MOXD1: variants seen among roughly 807,000 people sequenced by gnomAD.
The protein encoded by MOXD1 is DBH-like monooxygenase protein 1.
MOXD1 carries 62 observed loss-of-function variants against 66.6 expected under a neutral mutation model. The ratio of observed to expected loss-of-function variants is 0.93; its 90% CI spans 0.76 to 1.15. The LOEUF (loss-of-function observed/expected upper bound fraction) is 1.15. Among genes scored for constraint, MOXD1 ranks in the 50% most tolerant of loss-of-function variants. The probability of loss-of-function intolerance (pLI) is 0.00; values close to 1 mark genes in which losing one functional copy is unlikely to be tolerated. For missense variants in MOXD1, 847 were observed against 754.6 expected (o/e 1.12, Z -1.44); for synonymous variants, 303 against 281.9 (o/e 1.07, Z -0.75).
chr6:132,350,099 CT>C lies in MOXD1; in HGVS notation c.664-21506del, dbSNP rs201985065. Among the ~76,000 whole-genome samples, 472 of 152,270 alleles carry C rather than the reference CT, an allele frequency of 3.1e-3. 26 individuals are homozygous for C. In the East Asian group the frequency reaches 0.082, roughly 26 times the overall value. ...TGTCTGTTTACTCTGCTGACTATTC[CT>C]TTTGAGGTGCAAAAGCTCTTTAGTT... On this transcript the variant is annotated intron_variant, in intron 4 of 11. Coordinates refer to ENST00000367963, the MANE Select transcript of MOXD1 (RefSeq NM_015529.4).
chr6:132,372,745 C>G lies in MOXD1; in HGVS notation c.580-54G>C, dbSNP rs1359470322. On this transcript the variant is annotated intron_variant, in intron 3 of 11. Coordinates refer to ENST00000367963, the MANE Select transcript of MOXD1 (RefSeq NM_015529.4). ...CAAAGTCACCTTCTCTTAACATGCT[C>G]CTGAATACAATAATGTAAGCAAAAA... The G allele has an allele frequency of 9.3e-6, 15 of 1,607,148 alleles. No individual in the cohort carries two copies. The East Asian group carries it at 3.1e-4, about 33-fold the overall frequency.
rs182031043 is a variant in MOXD1 at position 132,346,897 on chromosome 6, C to G, written c.664-18303G>C. Reference sequence around the variant, plus strand: ...TTGAGTCTAGATTTGAGTCTCTCATCCAACAAGCATTTACTAAACGCTATA... The same window carrying G: ...TTGAGTCTAGATTTGAGTCTCTCATGCAACAAGCATTTACTAAACGCTATA... On this transcript the variant is annotated intron_variant, in intron 4 of 11. Transcript: ENST00000367963. Among the ~76,000 whole-genome samples, 506 of 152,262 alleles carry G rather than the reference C, an allele frequency of 3.3e-3. 4 individuals carry two copies. The highest frequency in any genetic ancestry group is 0.024 in the Middle Eastern group (7 of 294).
intron 6 of MOXD1, among the ~76,000 whole-genome samples, chr6:132,327,314 G>A (rs1775210800): frequency 1.3e-5 from 2 of 152,082 alleles, no homozygotes; most frequent in African/African-American, 4.8e-5. Context: ...TATAATTTCT[G>A]TAAGGGTGAG....
At chr6:132,359,511 G>C (rs1262111462) in intron 4 of MOXD1, among the ~76,000 whole-genome samples, 1 of 146,892 alleles carries the variant, frequency 6.8e-6, no homozygotes, top group Non-Finnish European at 1.5e-5. Context: ...TTTTGAGACG[G>C]AGTCTCGCTC....
At chr6:132,303,049 G>A (rs1774577270) in intron 10 of MOXD1, among the ~76,000 whole-genome samples, 1 of 151,782 alleles carries the variant, frequency 6.6e-6, no homozygotes. Flanking sequence ...TGTTCAAAAT[G>A]GATCCACCTA....
At chr6:132,399,265 A>G (rs1776967456) in intron 1 of MOXD1, among the ~76,000 whole-genome samples, 1 of 152,212 alleles carries the variant, frequency 6.6e-6, no homozygotes, top group Non-Finnish European at 1.5e-5. Context: ...AAAATATGTC[A>G]GCCAAGTAAG....
intron 1 of MOXD1, among the ~76,000 whole-genome samples, chr6:132,386,130 C>T (rs1250854007): frequency 1.7e-5 from 2 of 118,470 alleles, no homozygotes; most frequent in African/African-American, 6.7e-5. Flanking sequence ...AGGCCAGGCG[C>T]GGTGGCTCAC....
intron 4 of MOXD1, among the ~76,000 whole-genome samples, chr6:132,343,895 A>G (rs1775614833): frequency 6.6e-6 from 1 of 152,182 alleles, no homozygotes; most frequent in African/African-American, 2.4e-5. Flanking sequence ...GTCAAATATT[A>G]AAAGCAAGTG....
chr6:132,297,518 A>C (rs923326816), intron 11 of MOXD1, among the ~76,000 whole-genome samples: 1 of 151,700 alleles, frequency 6.6e-6, no homozygotes, highest in Non-Finnish European at 1.5e-5. Context: ...GGAAAAGAAT[A>C]CAAAGCAGGC....
chr6:132,332,814 T>C (rs554861891), intron 4 of MOXD1, among the ~76,000 whole-genome samples: 8 of 152,284 alleles, frequency 5.3e-5, no homozygotes, highest in Admixed American at 5.2e-4. Flanking sequence ...GTCAACAAAC[T>C]TGTGTTTTAA....
At chr6:132,328,838 C>G (rs556749014) in intron 4 of MOXD1, among the ~76,000 whole-genome samples, 2 of 152,286 alleles carry the variant, frequency 1.3e-5, no homozygotes, top group East Asian at 3.9e-4. Flanking sequence ...CAGGACTTTA[C>G]TAATCGGCTT....
At position 132,320,659 on chromosome 6, in the gene MOXD1, G is replaced by A. The variant is rs368282114; in HGVS notation, c.1335C>T (p.Tyr445=). 15 of 1,610,142 alleles carry A rather than the reference G, an allele frequency of 9.3e-6. No individual in the cohort carries two copies. In the African/African-American group the frequency reaches 1.5e-4, roughly 16 times the overall value. Residue 445 remains tyrosine (Y), a synonymous_variant, in exon 9 of 12, where the codon TAC becomes TAT. Transcript: ENST00000367963. ...PGDNLITECR[Y]NTKDRAEMTW... is the part of the protein sequence containing the mutation. ...TCATCTCAGCTCTATCTTTCGTGTTGTAGCGACACTCAGTAATTAGGTTAT... is the reference window on the plus strand; with the variant it reads ...TCATCTCAGCTCTATCTTTCGTGTTATAGCGACACTCAGTAATTAGGTTAT...
At chr6:132,374,515 G>C (rs1289871489) in intron 2 of MOXD1, 116 bp downstream of exon 2, 1 of 1,029,264 alleles carries the variant, frequency 9.7e-7, no homozygotes, top group Non-Finnish European at 1.3e-6. Context: ...AATCAAAAAA[G>C]ATTTCAAAAA....
At chr6:132,329,977 A>C (rs1775282901) in intron 4 of MOXD1, among the ~76,000 whole-genome samples, 1 of 152,196 alleles carries the variant, frequency 6.6e-6, no homozygotes, top group Non-Finnish European at 1.5e-5. Context: ...ATCCACATGA[A>C]TGTGGTCCTT....
chr6:132,387,390 C>T (rs1776672886), intron 1 of MOXD1, among the ~76,000 whole-genome samples: 1 of 151,080 alleles, frequency 6.6e-6, no homozygotes, highest in South Asian at 2.1e-4. Context: ...TTTTAGTTTC[C>T]TTTTATTATT....
intron 9 of MOXD1, among the ~76,000 whole-genome samples, chr6:132,319,065 A>C (rs1027935754): frequency 2.6e-5 from 4 of 151,994 alleles, no homozygotes; most frequent in Non-Finnish European, 5.9e-5. Flanking sequence ...CAGTTTTAAA[A>C]TAAGCCTTCT....
Position 132,392,209 on chromosome 6 carries a change from C to A in MOXD1, c.264+8954G>T, listed in dbSNP as rs775206372. Reference sequence around the variant, plus strand: ...TCTGTGATTTCAAATCAGTTCCAAGCACTTCCTCAGCAAGTGGCCCGGCAG... The same window carrying A: ...TCTGTGATTTCAAATCAGTTCCAAGAACTTCCTCAGCAAGTGGCCCGGCAG... On this transcript the variant is annotated intron_variant, in intron 1 of 11. Transcript: ENST00000367963. 4.4e-6 allele frequency: 7 copies of A among 1,594,462 alleles called. No homozygotes were observed. The Admixed American group carries it at 5.2e-5, about 12-fold the overall frequency.
chr6:132,336,233 T>C (rs879646752), intron 4 of MOXD1, among the ~76,000 whole-genome samples: 11 of 152,202 alleles, frequency 7.2e-5, no homozygotes, highest in African/African-American at 2.4e-4. Context: ...TCACTTTTCT[T>C]CCTGCCTGTT....
intron 1 of MOXD1, among the ~76,000 whole-genome samples, chr6:132,400,424 T>C (rs528979703): frequency 7.9e-5 from 12 of 152,230 alleles, no homozygotes; most frequent in African/African-American, 2.9e-4. Context: ...TTTTTTTTTT[T>C]CTTTCTATTT....
Sources: allele counts gnomAD v4.1 joint callset (sites outside exome capture counted in the v4.1 genomes callset), GRCh38; gene constraint gnomAD v4.1.1; transcripts MANE v1.5; gene names NCBI Gene and HGNC (gene_info 2026-07-23, HGNC 2026-07-21).